Variants in TAB2 observed in about 807,000 individuals in gnomAD.
TAB2 encodes the protein TGF-beta-activated kinase 1 and MAP3K7-binding protein 2.
Under a neutral mutation model 65.0 loss-of-function variants are expected in TAB2, and 3 were observed. The ratio of observed to expected loss-of-function variants is 0.05; its 90% CI spans 0.02 to 0.12. The LOEUF (loss-of-function observed/expected upper bound fraction) is 0.12, where lower values mean the gene tolerates loss of function less well. Ranked by LOEUF, TAB2 falls within the 10% of genes least tolerant of loss-of-function variation. The pLI is 1.00. For synonymous variants in TAB2, 298 were observed against 285.1 expected, an observed-to-expected ratio of 1.05 and a Z score of -0.46; for missense variants, 623 against 840.3, an observed-to-expected ratio of 0.74 and a Z score of 3.20.
chr6:149,271,361 T>G (rs1233206887), intron 1 of TAB2, among the ~76,000 whole-genome samples: 1 of 152,186 alleles, frequency 6.6e-6, no homozygotes, highest in Non-Finnish European at 1.5e-5. Flanking sequence ...AACTTAATCT[T>G]ACCTAAGGGT....
intron 1 of TAB2, among the ~76,000 whole-genome samples, chr6:149,327,243 T>C (rs555597235): frequency 6.6e-6 from 1 of 152,308 alleles, no homozygotes; most frequent in East Asian, 1.9e-4. Context: ...GGCAAGATGG[T>C]CGTTTTTTAA....
chr6:149,284,274 G>A (rs551890792), intron 1 of TAB2, among the ~76,000 whole-genome samples: 11 of 152,110 alleles, frequency 7.2e-5, no homozygotes, highest in African/African-American at 2.2e-4. Flanking sequence ...ACCTCTACCC[G>A]CTGACCTGTA....
chr6:149,400,241 G>T (rs764646406), intron 6 of TAB2: 3 of 799,814 alleles, frequency 3.8e-6, no homozygotes, highest in South Asian at 1.8e-5. Context: ...CGCACACAGC[G>T]GGAGGGGAGG....
intron 1 of TAB2, among the ~76,000 whole-genome samples, chr6:149,307,278 A>G (rs1439995045): frequency 1.3e-5 from 2 of 152,174 alleles, no homozygotes; most frequent in Non-Finnish European, 2.9e-5. Flanking sequence ...GGCAAATAAG[A>G]TGAAATTCAA....
chr6:149,301,600 T>C (rs544277908), intron 1 of TAB2, among the ~76,000 whole-genome samples: 2 of 152,318 alleles, frequency 1.3e-5, no homozygotes, highest in East Asian at 3.9e-4. Flanking sequence ...TGAATACCAG[T>C]TCACATTTTC....
intron 1 of TAB2, chr6:149,318,870 ATTG>A (rs1406456015): frequency 6.6e-6 from 1 of 152,182 alleles, no homozygotes; most frequent in Admixed American, 6.5e-5. Flanking sequence ...AGTCAGCTTA[ATTG>A]TTGTGGATAA....
chr6:149,225,150 C>A (rs1162340467), intron 1 of TAB2, among the ~76,000 whole-genome samples: 1 of 152,190 alleles, frequency 6.6e-6, no homozygotes, highest in African/African-American at 2.4e-5. Context: ...CTTTCAGGAG[C>A]TTATACGCCA....
intron 1 of TAB2, among the ~76,000 whole-genome samples, chr6:149,332,547 C>T (rs1353818071): frequency 1.3e-5 from 2 of 152,046 alleles, no homozygotes; most frequent in East Asian, 3.8e-4. Flanking sequence ...AGGTAAATGG[C>T]TGTTAACAGT....
At chr6:149,350,761 T>C (rs1363389655) in intron 1 of TAB2, among the ~76,000 whole-genome samples, 1 of 151,960 alleles carries the variant, frequency 6.6e-6, no homozygotes, top group African/African-American at 2.4e-5. Flanking sequence ...ACTACAGGCA[T>C]GTGCCACCAT....
intron 1 of TAB2, among the ~76,000 whole-genome samples, chr6:149,253,903 C>T (rs1400487723): frequency 7.0e-6 from 1 of 142,014 alleles, no homozygotes; most frequent in African/African-American, 2.6e-5. Context: ...GCCTGGGTGA[C>T]AGAGAGAGAC....
intron 1 of TAB2, among the ~76,000 whole-genome samples, chr6:149,223,661 G>C (rs1777204869): frequency 6.6e-6 from 1 of 152,136 alleles, no homozygotes; most frequent in Admixed American, 6.5e-5. Context: ...CCGTTTTAGA[G>C]AGTTCTCATG....
At chr6:149,403,765 G>A (rs930255826) in intron 6 of TAB2, among the ~76,000 whole-genome samples, 8 of 151,966 alleles carry the variant, frequency 5.3e-5, no homozygotes, top group African/African-American at 1.9e-4. Flanking sequence ...CATATGGTGA[G>A]CGAGACAGTG....
At chr6:149,338,488 G>T (rs1008051407) in intron 1 of TAB2, among the ~76,000 whole-genome samples, 2 of 152,208 alleles carry the variant, frequency 1.3e-5, no homozygotes, top group African/African-American at 2.4e-5. Context: ...ACTTCACTTT[G>T]CAGGCTGAAA....
intron 1 of TAB2, chr6:149,291,280 T>G (rs1778770883): frequency 2.0e-5 from 3 of 152,210 alleles, no homozygotes; most frequent in Admixed American, 2.0e-4. Context: ...AGTTCACATT[T>G]TCTTTGATTA....
chr6:149,268,246 G>C (rs757720155), intron 1 of TAB2, among the ~76,000 whole-genome samples: 1 of 152,130 alleles, frequency 6.6e-6, no homozygotes, highest in African/African-American at 2.4e-5. Flanking sequence ...TCTTAGCTCC[G>C]CATCACGGTC....
upstream of TAB2, among the ~76,000 whole-genome samples, chr6:149,316,085 T>A (rs1779244661): frequency 6.6e-6 from 1 of 152,216 alleles, no homozygotes. Context: ...TATCATTGAG[T>A]ATGGAAATAA....
intron 1 of TAB2, among the ~76,000 whole-genome samples, chr6:149,224,818 G>T (rs749854467): frequency 5.9e-5 from 9 of 152,220 alleles, no homozygotes; most frequent in Non-Finnish European, 1.3e-4. Flanking sequence ...GAGTTAAGCA[G>T]GCCCTTGAAA....
intron 1 of TAB2, among the ~76,000 whole-genome samples, chr6:149,341,994 C>T (rs957832016): frequency 1.3e-4 from 20 of 151,296 alleles, no homozygotes; most frequent in African/African-American, 4.4e-4. Flanking sequence ...CTGTAACCTT[C>T]GTAGTTGCAA....
intron 6 of TAB2, chr6:149,401,288 A>G (rs1399163179): frequency 6.0e-6 from 1 of 166,854 alleles, no homozygotes; most frequent in African/African-American, 2.4e-5. Flanking sequence ...ATAAAAATAA[A>G]AACAGGATCC....
Sources: allele counts gnomAD v4.1 joint callset (sites outside exome capture counted in the v4.1 genomes callset), GRCh38; gene constraint gnomAD v4.1.1; transcripts MANE v1.5; gene names NCBI Gene and HGNC (gene_info 2026-07-23, HGNC 2026-07-21).